Variants in IQGAP2 observed in about 807,000 individuals in gnomAD.
IQGAP2 encodes IQ motif containing GTPase activating protein 2, also known as ras GTPase-activating-like protein IQGAP2.
IQGAP2 carries 173 observed loss-of-function variants against 201.3 expected under a neutral mutation model. The observed-to-expected ratio is 0.86, with a 90% CI of 0.76 to 0.98. The LOEUF is 0.98. Among genes scored for constraint, IQGAP2 ranks in the 50% least tolerant of loss-of-function variants. The probability of loss-of-function intolerance (pLI) is 0.00; values close to 1 mark genes in which losing one functional copy is unlikely to be tolerated. For synonymous variants in IQGAP2, 675 were observed against 673.9 expected (o/e 1.00, Z -0.03); for missense variants, 1,687 against 1,864.8 (o/e 0.90, Z 1.76).
At chr5:76,599,398 A>G (rs985581809) in intron 10 of IQGAP2, among the ~76,000 whole-genome samples, 2 of 152,160 alleles carry the variant, frequency 1.3e-5, no homozygotes, top group Non-Finnish European at 2.9e-5. Flanking sequence ...TTCATCCTCA[A>G]CTGGCCATAG....
At chr5:76,520,687 A>T (rs1301665373) in intron 2 of IQGAP2, among the ~76,000 whole-genome samples, 4 of 148,046 alleles carry the variant, frequency 2.7e-5, no homozygotes, top group African/African-American at 1.0e-4. Context: ...CATGAACATC[A>T]TAGGTCTCTC....
At chr5:76,498,279 A>G (rs376223425) in intron 2 of IQGAP2, among the ~76,000 whole-genome samples, 1 of 152,174 alleles carries the variant, frequency 6.6e-6, no homozygotes, top group Non-Finnish European at 1.5e-5. Context: ...AATGCCACAT[A>G]TTTGCATAAT....
chr5:76,583,834 A>G (rs2150296329), intron 5 of IQGAP2, among the ~76,000 whole-genome samples: 1 of 152,266 alleles, frequency 6.6e-6, no homozygotes. Context: ...ATTTTGTGGT[A>G]GCCTAAGTAC....
chr5:76,698,251 G>T, intron 33 of IQGAP2, 104 bp downstream of exon 33: 1 of 789,628 alleles, frequency 1.3e-6, no homozygotes, highest in East Asian at 2.8e-5. Context: ...AAAACTTTTT[G>T]CTCTGTCTTC....
chr5:76,417,197 G>A (rs1751457271), intron 1 of IQGAP2, among the ~76,000 whole-genome samples: 1 of 152,034 alleles, frequency 6.6e-6, no homozygotes, highest in South Asian at 2.1e-4. Flanking sequence ...ATAATTCTTT[G>A]GTGAAGTCTT....
At chr5:76,664,711 C>T (rs371097934) in intron 21 of IQGAP2, among the ~76,000 whole-genome samples, 1 of 151,808 alleles carries the variant, frequency 6.6e-6, no homozygotes, top group Non-Finnish European at 1.5e-5. Flanking sequence ...CTGATAACAG[C>T]GCCCCGTAAT....
intron 1 of IQGAP2, among the ~76,000 whole-genome samples, chr5:76,450,882 G>A (rs1753696836): frequency 6.6e-6 from 1 of 152,110 alleles, no homozygotes; most frequent in Non-Finnish European, 1.5e-5. Flanking sequence ...CATTTGCATA[G>A]TATGATCCAC....
chr5:76,629,382 A>G (rs1750514058), intron 14 of IQGAP2, among the ~76,000 whole-genome samples: 1 of 152,192 alleles, frequency 6.6e-6, no homozygotes, highest in African/African-American at 2.4e-5. Context: ...ATAAAAGAAA[A>G]TGTGTTGGCC....
At chr5:76,603,298 T>A (rs1036016820) in intron 11 of IQGAP2, among the ~76,000 whole-genome samples, 12 of 152,186 alleles carry the variant, frequency 7.9e-5, no homozygotes, top group Non-Finnish European at 1.2e-4. Context: ...TATCCGTGCT[T>A]CTCCCCACCC....
intron 11 of IQGAP2, among the ~76,000 whole-genome samples, chr5:76,601,604 G>A (rs1390669938): frequency 6.6e-6 from 1 of 152,200 alleles, no homozygotes; most frequent in Non-Finnish European, 1.5e-5. Flanking sequence ...TGAGAGAGTC[G>A]CTGAGATAAA....
At chr5:76,551,314 G>A (rs1254656989) in intron 2 of IQGAP2, among the ~76,000 whole-genome samples, 4 of 149,580 alleles carry the variant, frequency 2.7e-5, no homozygotes, top group African/African-American at 9.9e-5. Context: ...GGGCAGAGAT[G>A]CTCCTCACTT....
intron 1 of IQGAP2, among the ~76,000 whole-genome samples, chr5:76,419,668 CTTTTCT>C (rs1751616889): frequency 9.0e-6 from 1 of 110,516 alleles, no homozygotes; most frequent in Non-Finnish European, 2.0e-5. Context: ...TTTTTCTTTT[CTTTTCT>C]TTTTTTTTTT....
intron 13 of IQGAP2, chr5:76,618,233 G>A: frequency 1.2e-6 from 2 of 1,614,170 alleles, no homozygotes; most frequent in Non-Finnish European, 1.7e-6. Flanking sequence ...CAAATACCCA[G>A]TTGTTCCCAT....
intron 15 of IQGAP2, among the ~76,000 whole-genome samples, chr5:76,632,605 T>C (rs1252740016): frequency 6.6e-6 from 1 of 152,158 alleles, no homozygotes; most frequent in African/African-American, 2.4e-5. Flanking sequence ...AGGGAAAGAA[T>C]GGTAGACCCA....
chr5:76,457,273 G>A (rs898838709), intron 1 of IQGAP2, among the ~76,000 whole-genome samples: 6 of 151,932 alleles, frequency 3.9e-5, no homozygotes, highest in East Asian at 1.9e-4. Context: ...TACCCCAGCC[G>A]GACATATTTC....
intron 2 of IQGAP2, among the ~76,000 whole-genome samples, chr5:76,516,215 T>C: frequency 6.6e-6 from 1 of 152,132 alleles, no homozygotes; most frequent in East Asian, 1.9e-4. Flanking sequence ...TTAATAATAA[T>C]ATGCAGAAAA....
chr5:76,510,249 C>T (rs1757882716), intron 2 of IQGAP2, among the ~76,000 whole-genome samples: 1 of 152,214 alleles, frequency 6.6e-6, no homozygotes, highest in South Asian at 2.1e-4. Context: ...ATCCACCCGC[C>T]TCAGCCTCCC....
Position 76,403,392 on chromosome 5 carries a change from C to A in IQGAP2, c.-154C>A. ...GCCGTGGCTGGCTCTGGCGAGAGAG[C>A]ACCGAGGGAGTGGGTCGCAGATCTT... On this transcript the variant is annotated 5_prime_UTR_variant, in exon 1 of 36. Coordinates refer to ENST00000274364, the MANE Select transcript of IQGAP2 (RefSeq NM_006633.5). This position sits in a 1 kb window ranked among gnomAD's most constrained non-coding sequence, Gnocchi z 4.8. 1 of 487,264 alleles carries A rather than the reference C, an allele frequency of 2.1e-6. No homozygotes were observed. The highest frequency in any genetic ancestry group is 3.3e-6 in the Non-Finnish European group (1 of 298,576). The allele number at this position is 487,264 out of a possible 1,614,324, so 30.2% of individuals were successfully genotyped here.
rs140406849 is a variant in IQGAP2, at chr5:76,483,358, A to G, written c.146+21689A>G. The stretch of plus-strand genomic sequence containing the variant: ...TCTTTTTAAACCTAGAAGTATATGC[A>G]TGTGGTTAATTATACATTTACAAGG... On this transcript the variant is annotated intron_variant, in intron 2 of 35. Coordinates refer to ENST00000274364, the MANE Select transcript of IQGAP2 (RefSeq NM_006633.5). Among the ~76,000 whole-genome samples the G allele has an allele frequency of 1.4e-3, 210 of 152,352 alleles. 1 individual carries two copies. The highest frequency in any genetic ancestry group is 5.0e-3 in the African/African-American group (207 of 41,588).
Sources: allele counts gnomAD v4.1 joint callset (sites outside exome capture counted in the v4.1 genomes callset), GRCh38; gene constraint gnomAD v4.1.1; non-coding constraint Gnocchi (gnomAD v3.1); transcripts MANE v1.5; gene names NCBI Gene and HGNC (gene_info 2026-07-23, HGNC 2026-07-21).